Variants in PC observed in about 807,000 individuals in gnomAD.
The protein encoded by PC is pyruvate carboxylase, mitochondrial.
A neutral mutation model predicts 107.8 loss-of-function variants in PC; 46 were observed. The observed-to-expected ratio is 0.43, with a 90% CI of 0.34 to 0.55. The LOEUF is 0.55. Ranked by LOEUF, PC falls within the 20% of genes least tolerant of loss-of-function variation. The pLI, the probability that PC is intolerant of heterozygous loss-of-function variation, is 0.04. For missense variants in PC, 1,241 were observed against 1,643.1 expected, an observed-to-expected ratio of 0.76 and a Z score of 4.23; for synonymous variants, 662 against 684.7, an observed-to-expected ratio of 0.97 and a Z score of 0.52.
chr11:66,859,550 T>C, intron 12 of PC: 1 of 1,567,014 alleles, frequency 6.4e-7, no homozygotes, highest in Non-Finnish European at 8.6e-7. Context: ...GGGGGAGGGG[T>C]GTTTGGAGCT....
chr11:66,903,721 C>T (rs1429599825), intron 3 of PC, among the ~76,000 whole-genome samples: 1 of 120,950 alleles, frequency 8.3e-6, no homozygotes, highest in African/African-American at 3.4e-5. Flanking sequence ...GCACTCCAGC[C>T]TGGGCAACAG....
intron 3 of PC, among the ~76,000 whole-genome samples, chr11:66,917,573 A>G (rs1478672740): frequency 6.6e-6 from 1 of 152,178 alleles, no homozygotes; most frequent in African/African-American, 2.4e-5. Flanking sequence ...GGGAGGACTG[A>G]TGCTATTCTG....
At chr11:66,862,554 T>C (rs113889960) in intron 12 of PC, among the ~76,000 whole-genome samples, 9 of 152,232 alleles carry the variant, frequency 5.9e-5, no homozygotes, top group African/African-American at 2.2e-4. Context: ...GCCCGCCCTG[T>C]GGGGACCCCC....
In PC at chr11:66,899,443, G is replaced by A. The variant is rs111234550; in HGVS notation, c.1-27284C>T. On this transcript the variant is annotated intron_variant, in intron 3 of 22. Transcript: ENST00000393960. ...ACTCTGTCGCCCAGGCTGGAGGGCA[G>A]TGGCACGACCATAGTTCACTGCAGC... 9.9e-3 allele frequency among the ~76,000 whole-genome samples: 1,503 copies of A among 152,310 alleles called. 28 individuals are homozygous for A. Among genetic ancestry groups the A allele is most frequent in the African/African-American group, 0.033 (1,383 of 41,572 alleles).
Position 66,848,987 on chromosome 11 carries a change from G to A in PC, c.3449C>T (p.Thr1150Ile). 6.2e-7 allele frequency: 1 copy of A among 1,614,078 alleles called. No homozygotes were observed. The highest frequency in any genetic ancestry group is 8.5e-7 in the Non-Finnish European group (1 of 1,180,042). Residue 1150 changes from threonine to isoleucine, a missense_variant, in exon 23 of 23, where the codon ACC becomes ATC. Around this residue, in one of 2 missense-constraint regions of PC, gnomAD observed 98 missense variants for 91.2 expected, o/e 1.07. Coordinates refer to ENST00000393960, the MANE Select transcript of PC (RefSeq NM_001040716.2). ...GCGGACAGTACCCTCCATGGGTGAG[G>A]TCACCACAGTCTCCATCTTCATGGC... ...LSAMKMETVV[T>I]SPMEGTVRKV...
At chr11:66,881,258 TC>T (rs1423745040) in intron 3 of PC, among the ~76,000 whole-genome samples, 1 of 152,196 alleles carries the variant, frequency 6.6e-6, no homozygotes, top group African/African-American at 2.4e-5. Flanking sequence ...AGCTGACAGA[TC>T]CCTTTTCTTG....
chr11:66,873,355 TTATATATAA>T (rs1358564677), intron 3 of PC, among the ~76,000 whole-genome samples: 1 of 113,598 alleles, frequency 8.8e-6, no homozygotes, highest in Non-Finnish European at 1.7e-5. Flanking sequence ...TATATATATA[TTATATATAA>T]TATATTATAT....
rs1945329787 is a variant in PC at position 66,849,316 on chromosome 11, G to A, written c.3202C>T (p.Leu1068=). The A allele has an allele frequency of 6.2e-7, 1 of 1,613,446 alleles. No individual in the cohort carries two copies. The highest frequency in any genetic ancestry group is 8.5e-7 in the Non-Finnish European group (1 of 1,180,040). ...LHIKALAVSD[L]NRAGQRQVFF... is the part of the protein sequence containing the mutation. ...ACCTGCCTCTGGCCGGCCCGGTTCA[G>A]GTCGCTCACGGCCAGGGCTTTGATG... Residue 1068 remains leucine, a synonymous_variant, in exon 22 of 23, where the codon CTG becomes TTG. Coordinates refer to ENST00000393960, the MANE Select transcript of PC (RefSeq NM_001040716.2).
Position 66,871,962 on chromosome 11 carries a change from GAGA to G in PC, c.136+59_136+61del, listed in dbSNP as rs1370352662. The stretch of plus-strand genomic sequence containing the variant: ...AGCCAGGGCCTGGGGCAGTGAGTGG[GAGA>G]AGAATGCCAAGGCTGGGGCGGCCAT... On this transcript the variant is annotated intron_variant, in intron 4 of 22. Coordinates refer to ENST00000393960, the MANE Select transcript of PC (RefSeq NM_001040716.2). The surrounding 1 kb of genome is among the most constrained non-coding windows in gnomAD (Gnocchi z 7.4). 3 of 1,563,534 alleles carry G rather than the reference GAGA, an allele frequency of 1.9e-6. No homozygotes were observed. In the African/African-American group the frequency reaches 4.1e-5, roughly 21 times the overall value.
chr11:66,877,041 A>T (rs2135966259), intron 3 of PC, among the ~76,000 whole-genome samples: 1 of 152,306 alleles, frequency 6.6e-6, no homozygotes, highest in South Asian at 2.1e-4. Context: ...GCTGAGCATC[A>T]CGGCAGCTTC....
chr11:66,871,960 G>A lies in PC; in HGVS notation c.136+64C>T. Reference sequence around the variant, plus strand: ...GAAGCCAGGGCCTGGGGCAGTGAGTGGGAGAAGAATGCCAAGGCTGGGGCG... The same window carrying A: ...GAAGCCAGGGCCTGGGGCAGTGAGTAGGAGAAGAATGCCAAGGCTGGGGCG... On this transcript the variant is annotated intron_variant, in intron 4 of 22. Coordinates refer to ENST00000393960, the MANE Select transcript of PC (RefSeq NM_001040716.2). The surrounding 1 kb of genome is among the most constrained non-coding windows in gnomAD (Gnocchi z 7.4). 2 of 1,564,106 alleles carry A rather than the reference G, an allele frequency of 1.3e-6. No individual in the cohort carries two copies. The highest frequency in any genetic ancestry group is 1.7e-6 in the Non-Finnish European group (2 of 1,154,488).
At chr11:66,902,683 C>T (rs917305589) in intron 3 of PC, among the ~76,000 whole-genome samples, 2 of 152,194 alleles carry the variant, frequency 1.3e-5, no homozygotes, top group African/African-American at 2.4e-5. Context: ...CTTGCCCTGG[C>T]CACTCCCGGG....
At chr11:66,907,388 G>T (rs556203109) in intron 3 of PC, among the ~76,000 whole-genome samples, 17 of 152,144 alleles carry the variant, frequency 1.1e-4, no homozygotes, top group Non-Finnish European at 2.1e-4. Flanking sequence ...TTAGCCGGGT[G>T]TGGTGGCACA....
chr11:66,875,440 G>C (rs1946938508), intron 3 of PC, among the ~76,000 whole-genome samples: 1 of 152,114 alleles, frequency 6.6e-6, no homozygotes, highest in Admixed American at 6.5e-5. Context: ...GCAGGGACAA[G>C]AACCTGGGCA....
rs191913052 is a variant in PC at position 66,920,312 on chromosome 11, A to G, written c.-1+32118T>C. ...ACTGGTATTTACCCAGCACCCCGTC[A>G]CCCTCCTATGGGCAACAGAAATTTC... On this transcript the variant is annotated intron_variant, in intron 3 of 22. Transcript: ENST00000393960. Among the ~76,000 whole-genome samples the G allele has an allele frequency of 1.1e-3, 171 of 151,944 alleles. 1 individual carries two copies. The highest frequency in any genetic ancestry group is 3.7e-3 in the African/African-American group (152 of 41,470).
chr11:66,863,763 C>T lies in PC; in HGVS notation c.1368+11G>A, dbSNP rs371731636. On this transcript the variant is annotated intron_variant, in intron 12 of 22. Transcript: ENST00000393960. ...CGGGAGCAAAGGCAGGCGGGGGCTGCAGCCTCTCACCTTCACACCTCGGAC... is the reference window on the plus strand; with the variant it reads ...CGGGAGCAAAGGCAGGCGGGGGCTGTAGCCTCTCACCTTCACACCTCGGAC... 89 of 1,601,118 alleles carry T rather than the reference C, an allele frequency of 5.6e-5. No homozygotes were observed. The Middle Eastern group carries it at 1.2e-3, about 22-fold the overall frequency.
At position 66,849,365 on chromosome 11, in the gene PC, C is replaced by G; in HGVS notation, c.3153G>C (p.Glu1051Asp). Residue 1051 changes from glutamate (E) to aspartate (D), a missense_variant, in exon 22 of 23, where the codon GAG (glutamate) becomes GAC (aspartate). Coordinates refer to ENST00000393960, the MANE Select transcript of PC (RefSeq NM_001040716.2). ...GPKIAEEFEV[E>D]LERGKTLHIK... ...TGTGCAGCGTCTTGCCCCGCTCCAGCTCCACCTGCAGGGAGGGTGTGCAGA... is the reference window on the plus strand; with the variant it reads ...TGTGCAGCGTCTTGCCCCGCTCCAGGTCCACCTGCAGGGAGGGTGTGCAGA... The G allele has an allele frequency of 6.2e-7, 1 of 1,612,760 alleles. No individual in the cohort carries two copies. Among genetic ancestry groups the G allele is most frequent in the African/African-American group, 1.3e-5 (1 of 75,056 alleles).
Position 66,870,355 on chromosome 11 carries a change from C to T in PC, c.850G>A (p.Asp284Asn), listed in dbSNP as rs1187796577. The change falls in exon 9 of 23, where the codon GAC becomes AAC. Residue 284 changes from aspartate (D) to asparagine (N), a missense_variant. Coordinates refer to ENST00000393960, the MANE Select transcript of PC (RefSeq NM_001040716.2). The surrounding 1 kb of genome is among the most constrained non-coding windows in gnomAD (Gnocchi z 6.1). Reference sequence around the variant, plus strand: ...GTGAGCCGAGTCCGAAGCTGCGGGTCCAGGTGGGCGGCGGGGGCAATCTCG... The same window carrying T: ...GTGAGCCGAGTCCGAAGCTGCGGGTTCAGGTGGGCGGCGGGGGCAATCTCG... The part of the protein sequence containing the change: ...VVEIAPAAHL[D>N]PQLRTRLTSD... The T allele has an allele frequency of 6.2e-7, 1 of 1,613,688 alleles. No homozygotes were observed. The highest frequency in any genetic ancestry group is 2.2e-5 in the East Asian group (1 of 44,882).
In PC at chr11:66,852,331, G is replaced by A; in HGVS notation, c.1825+108C>T. On this transcript the variant is annotated intron_variant, in intron 15 of 22. Transcript: ENST00000393960. This position sits in a 1 kb window ranked among gnomAD's most constrained non-coding sequence, Gnocchi z 4.7. ...CCTTCTTCGGTCCTTCCTCTTTGGT[G>A]TTCTTCGTGTCAGCGTCTCTAGCTT... 1 of 957,472 alleles carries A rather than the reference G, an allele frequency of 1.0e-6. No individual in the cohort carries two copies. Among genetic ancestry groups the A allele is most frequent in the South Asian group, 1.3e-5 (1 of 75,586 alleles). The allele number at this position is 957,472 out of a possible 1,614,324, so 59.3% of individuals were successfully genotyped here. A position where few individuals can be genotyped will look rare whatever the true frequency, so the allele number is the denominator to read the frequency against.
Sources: allele counts gnomAD v4.1 joint callset (sites outside exome capture counted in the v4.1 genomes callset), GRCh38; gene constraint gnomAD v4.1.1; regional missense constraint gnomAD v4.1.1; non-coding constraint Gnocchi (gnomAD v3.1); transcripts MANE v1.5; gene names NCBI Gene and HGNC (gene_info 2026-07-23, HGNC 2026-07-21).